SLC15A5: variants seen among roughly 807,000 people sequenced by gnomAD.
SLC15A5 encodes the protein Peptide/histidine transporter ENSP00000340402.
A neutral mutation model predicts 56.1 loss-of-function variants in SLC15A5; 58 were observed. That is an observed-to-expected ratio of 1.03 (90% confidence interval 0.84 to 1.29). SLC15A5 has a LOEUF of 1.29. SLC15A5 is among the 50% of genes most tolerant of loss of function. The probability of loss-of-function intolerance (pLI) is 0.00; values close to 1 mark genes in which losing one functional copy is unlikely to be tolerated. For synonymous variants in SLC15A5, 264 were observed against 250.5 expected, an observed-to-expected ratio of 1.05 and a Z score of -0.51; for missense variants, 681 against 672.1, an observed-to-expected ratio of 1.01 and a Z score of -0.15.
At chr12:16,212,976 C>A (rs1864097792) in intron 7 of SLC15A5, among the ~76,000 whole-genome samples, 1 of 152,062 alleles carries the variant, frequency 6.6e-6, no homozygotes, top group African/African-American at 2.4e-5. Context: ...TTTAATTGAC[C>A]ATAAGCAGGA....
Position 16,275,862 on chromosome 12 carries a change from T to C in SLC15A5, c.361+1463A>G, listed in dbSNP as rs138781135. On this transcript the variant is annotated intron_variant, in intron 1 of 8. Transcript: ENST00000344941. ...TGGCCTGTTACCAAGGTAAGCAGAGTAAGTTAGTCTGGGATTTGCTTAAAT... is the reference window on the plus strand; with the variant it reads ...TGGCCTGTTACCAAGGTAAGCAGAGCAAGTTAGTCTGGGATTTGCTTAAAT... Among the ~76,000 whole-genome samples, 5 of 152,024 alleles carry C rather than the reference T, an allele frequency of 3.3e-5. No homozygotes were observed. In the East Asian group the frequency reaches 7.8e-4, roughly 24 times the overall value.
At chr12:16,192,121 G>A (rs866719715) in intron 8 of SLC15A5, among the ~76,000 whole-genome samples, 5 of 152,040 alleles carry the variant, frequency 3.3e-5, no homozygotes, top group South Asian at 2.1e-4. Context: ...TTAGTTTTTT[G>A]ATTTATAATG....
chr12:16,210,878 A>G (rs941968411), intron 7 of SLC15A5, among the ~76,000 whole-genome samples: 4 of 152,226 alleles, frequency 2.6e-5, no homozygotes, highest in African/African-American at 7.2e-5. Context: ...TGTGGAGTAA[A>G]AGGTTAATGA....
intron 7 of SLC15A5, among the ~76,000 whole-genome samples, chr12:16,205,561 CCATAAGAAGGGAAAGGTGCATATATATAT>C (rs1864008825): frequency 9.0e-3 from 13 of 1,446 alleles, no homozygotes; most frequent in African/African-American, 0.033. Flanking sequence ...TATATATATT[CCATAAGAAGGGAAAGGTGCATATATATAT>C]ACATATACAC....
chr12:16,236,848 G>T (rs1382364270), intron 5 of SLC15A5, among the ~76,000 whole-genome samples: 1 of 152,176 alleles, frequency 6.6e-6, no homozygotes, highest in African/African-American at 2.4e-5. Context: ...AGGATGCCAA[G>T]CTAACATCAA....
chr12:16,210,341 C>A (rs1864067537), intron 7 of SLC15A5, among the ~76,000 whole-genome samples: 1 of 115,698 alleles, frequency 8.6e-6, no homozygotes, highest in African/African-American at 3.0e-5. Context: ...AATCTCAGAG[C>A]ACTTTCTAAT....
At chr12:16,273,593 T>C (rs1325735342) in intron 1 of SLC15A5, among the ~76,000 whole-genome samples, 3 of 152,080 alleles carry the variant, frequency 2.0e-5, no homozygotes, top group Non-Finnish European at 2.9e-5. Context: ...AAAAACTTTG[T>C]GATGTGAGTG....
rs566656754 is a variant in SLC15A5, at chr12:16,235,284, ATATATG to A, written c.1162+4391_1162+4396del. 3.0e-3 allele frequency among the ~76,000 whole-genome samples: 450 copies of A among 147,702 alleles called. 2 individuals are homozygous for A. The highest frequency in any genetic ancestry group is 9.6e-3 in the African/African-American group (390 of 40,660). ...TATATATGTATATGTATATATATGT[ATATATG>A]TATATGTATATGTATATATATGTAT... On this transcript the variant is annotated intron_variant, in intron 5 of 8. Coordinates refer to ENST00000344941, the MANE Select transcript of SLC15A5 (RefSeq NM_001170798.1). This position sits in a 1 kb window ranked among gnomAD's most constrained non-coding sequence, Gnocchi z 4.1.
chr12:16,231,573 A>G (rs1414278113), intron 5 of SLC15A5, among the ~76,000 whole-genome samples: 1 of 152,212 alleles, frequency 6.6e-6, no homozygotes, highest in Non-Finnish European at 1.5e-5. Flanking sequence ...ACTCAGAAGG[A>G]AAACTGCAAG....
chr12:16,230,007 G>T (rs1004631482), intron 5 of SLC15A5, among the ~76,000 whole-genome samples: 1 of 152,002 alleles, frequency 6.6e-6, no homozygotes, highest in Admixed American at 6.6e-5. Flanking sequence ...AGATGGAAGA[G>T]GAGTCAATGG....
At chr12:16,264,818 C>T (rs1171653332) in intron 2 of SLC15A5, among the ~76,000 whole-genome samples, 1 of 152,204 alleles carries the variant, frequency 6.6e-6, no homozygotes, top group Non-Finnish European at 1.5e-5. Flanking sequence ...ATGATTTGCT[C>T]CTCCTTGCCT....
At position 16,269,185 on chromosome 12, in the gene SLC15A5, C is replaced by T. The variant is rs968512139; in HGVS notation, c.584+3376G>A. Among the ~76,000 whole-genome samples the T allele has an allele frequency of 6.6e-6, 1 of 152,170 alleles. No individual in the cohort carries two copies. Among genetic ancestry groups the T allele is most frequent in the African/African-American group, 2.4e-5 (1 of 41,450 alleles). On this transcript the variant is annotated intron_variant, in intron 2 of 8. Coordinates refer to ENST00000344941, the MANE Select transcript of SLC15A5 (RefSeq NM_001170798.1). This position sits in a 1 kb window ranked among gnomAD's most constrained non-coding sequence, Gnocchi z 4.7. Reference sequence around the variant, plus strand: ...GATTTGTTATTGCAGCCTGAATAGACTAAGACAGTACTTGTTTAAAATATG... The same window carrying T: ...GATTTGTTATTGCAGCCTGAATAGATTAAGACAGTACTTGTTTAAAATATG...
At chr12:16,201,843 A>G (rs958340518) in intron 7 of SLC15A5, among the ~76,000 whole-genome samples, 1 of 152,162 alleles carries the variant, frequency 6.6e-6, no homozygotes, top group African/African-American at 2.4e-5. Context: ...ATGAAAACGG[A>G]CTAATACCAA....
At chr12:16,214,868 G>A (rs1864114842) in intron 7 of SLC15A5, among the ~76,000 whole-genome samples, 1 of 152,102 alleles carries the variant, frequency 6.6e-6, no homozygotes. Context: ...CAGAGGTGAT[G>A]ACAGCCCTAG....
chr12:16,246,016 G>T (rs895539341), intron 3 of SLC15A5, among the ~76,000 whole-genome samples: 3 of 152,136 alleles, frequency 2.0e-5, no homozygotes, highest in Non-Finnish European at 4.4e-5. Flanking sequence ...CTGGGGGCCT[G>T]GTAATTGAAT....
At chr12:16,193,811 G>GAA (rs2136237187) in intron 8 of SLC15A5, among the ~76,000 whole-genome samples, 1 of 130,852 alleles carries the variant, frequency 7.6e-6, no homozygotes, top group Non-Finnish European at 1.7e-5. Context: ...GAGAGAGAGA[G>GAA]AGAGAGAGAG....
At chr12:16,192,980 T>G (rs1179589807) in intron 8 of SLC15A5, among the ~76,000 whole-genome samples, 1 of 152,090 alleles carries the variant, frequency 6.6e-6, no homozygotes. Context: ...TGGACTCAAC[T>G]TGGGTGACTA....
At chr12:16,198,562 T>C (rs1248720741) in intron 7 of SLC15A5, among the ~76,000 whole-genome samples, 1 of 152,178 alleles carries the variant, frequency 6.6e-6, no homozygotes, top group Non-Finnish European at 1.5e-5. Context: ...TCTTGGTGTT[T>C]AATGCAACTA....
Position 16,196,614 on chromosome 12 carries a change from C to T in SLC15A5, c.1484-2161G>A, listed in dbSNP as rs1387900299. Among the ~76,000 whole-genome samples, 1 of 152,050 alleles carries T rather than the reference C, an allele frequency of 6.6e-6. No homozygotes were observed. The highest frequency in any genetic ancestry group is 2.4e-5 in the African/African-American group (1 of 41,400). Reference sequence around the variant, plus strand: ...TTCTGTCCTTTTCATTTCACATCAGCACTTTGCATGTCATGCGATTATACC... The same window carrying T: ...TTCTGTCCTTTTCATTTCACATCAGTACTTTGCATGTCATGCGATTATACC... On this transcript the variant is annotated intron_variant, in intron 7 of 8. Transcript: ENST00000344941. This position sits in a 1 kb window ranked among gnomAD's most constrained non-coding sequence, Gnocchi z 4.0.
Sources: gnomAD v4.1 joint callset for allele counts (sites outside exome capture counted in the v4.1 genomes callset) on GRCh38, gnomAD v4.1.1 for gene constraint, Gnocchi (gnomAD v3.1) non-coding constraint, MANE v1.5 for transcripts, NCBI Gene and HGNC (gene_info 2026-07-23, HGNC 2026-07-21) for gene names.